Variants in ZNF365 observed in about 807,000 individuals in gnomAD.
The protein encoded by ZNF365 is protein ZNF365.
ZNF365 carries 22 observed loss-of-function variants against 35.0 expected under a neutral mutation model. That is an observed-to-expected ratio of 0.63 (90% CI 0.45 to 0.90). The LOEUF is 0.90. ZNF365 is among the 40% of genes least tolerant of loss of function. ZNF365 has a pLI of 0.00. For missense variants in ZNF365, 448 were observed against 500.3 expected (o/e 0.90, Z 1.00); for synonymous variants, 188 against 196.2 (o/e 0.96, Z 0.35).
At chr10:62,419,652 T>C (rs570208796) in intron 3 of ZNF365, among the ~76,000 whole-genome samples, 2 of 152,176 alleles carry the variant, frequency 1.3e-5, no homozygotes, top group Non-Finnish European at 2.9e-5. Flanking sequence ...AGTTAATTTA[T>C]AGCTATTTGC....
chr10:62,422,860 C>T (rs10995153), intron 3 of ZNF365, among the ~76,000 whole-genome samples: 3,745 of 152,168 alleles, frequency 0.025, 65 homozygotes, highest in Non-Finnish European at 0.037. Context: ...ATCTTGAAGA[C>T]GAAACTAAGT....
chr10:62,462,915 G>A (rs779829248), intron 4 of ZNF365, among the ~76,000 whole-genome samples: 20 of 152,204 alleles, frequency 1.3e-4, no homozygotes, highest in Non-Finnish European at 2.6e-4. Context: ...GCTTGGGATG[G>A]ATATGTCCCA....
intron 4 of ZNF365, among the ~76,000 whole-genome samples, chr10:62,472,306 C>T (rs1224513658): frequency 1.3e-5 from 2 of 152,208 alleles, no homozygotes; most frequent in African/African-American, 2.4e-5. Context: ...CTCCAGAAAG[C>T]GTTCCAATAT....
downstream of ZNF365, among the ~76,000 whole-genome samples, chr10:62,407,368 T>C (rs1244279006): frequency 6.6e-6 from 1 of 152,184 alleles, no homozygotes; most frequent in Non-Finnish European, 1.5e-5. Context: ...AAGCTTTTCC[T>C]TTGAGATATT....
intron 3 of ZNF365, among the ~76,000 whole-genome samples, chr10:62,441,862 G>C (rs1840506984): frequency 6.6e-6 from 1 of 152,156 alleles, no homozygotes; most frequent in Non-Finnish European, 1.5e-5. Flanking sequence ...ATTTAGTAAG[G>C]CCACATAACA....
At chr10:62,391,167 A>G (rs1839621748) in intron 3 of ZNF365, among the ~76,000 whole-genome samples, 1 of 152,236 alleles carries the variant, frequency 6.6e-6, no homozygotes, top group East Asian at 1.9e-4. Flanking sequence ...TTGTAATAAC[A>G]GCTTAAAACA....
intron 3 of ZNF365, among the ~76,000 whole-genome samples, chr10:62,389,200 T>C (rs903229644): frequency 2.1e-4 from 30 of 143,126 alleles, no homozygotes; most frequent in African/African-American, 7.9e-4. Flanking sequence ...CAGGTTCTCA[T>C]AGGGGGCTTG....
At chr10:62,468,045 A>T (rs1435364249) in intron 4 of ZNF365, among the ~76,000 whole-genome samples, 1 of 152,176 alleles carries the variant, frequency 6.6e-6, no homozygotes, top group Non-Finnish European at 1.5e-5. Flanking sequence ...CTGGGCCAAA[A>T]ATTGCACATT....
At chr10:62,456,396 G>C (rs764773943) in intron 3 of ZNF365, among the ~76,000 whole-genome samples, 1 of 151,980 alleles carries the variant, frequency 6.6e-6, no homozygotes, top group Non-Finnish European at 1.5e-5. Flanking sequence ...TGTCCATGCC[G>C]TGTAAGATGA....
chr10:62,424,742 A>C (rs1054697724), intron 3 of ZNF365, among the ~76,000 whole-genome samples: 9 of 152,218 alleles, frequency 5.9e-5, no homozygotes, highest in African/African-American at 2.2e-4. Flanking sequence ...TTATGAGACA[A>C]ATGTTCCATG....
At chr10:62,412,162 A>C (rs2393877) in intron 3 of ZNF365, among the ~76,000 whole-genome samples, 2 of 151,762 alleles carry the variant, frequency 1.3e-5, no homozygotes, top group Admixed American at 1.3e-4. Flanking sequence ...AATTCATTAC[A>C]TAGGCAGAAC....
At chr10:62,417,332 T>C (rs769822245) in intron 3 of ZNF365, among the ~76,000 whole-genome samples, 3 of 152,118 alleles carry the variant, frequency 2.0e-5, no homozygotes, top group Non-Finnish European at 4.4e-5. Context: ...AAAATACTGG[T>C]AATGATCCCA....
intron 3 of ZNF365, among the ~76,000 whole-genome samples, chr10:62,418,597 A>C (rs1484076220): frequency 1.0e-5 from 1 of 99,496 alleles, no homozygotes; most frequent in Non-Finnish European, 2.4e-5. Context: ...GTTTATAATA[A>C]ATTTTCGTAA....
chr10:62,399,844 G>A lies in ZNF365; in HGVS notation c.*55G>A. ...CTGGGCTTTGGGGAACGTTGTTCCA[G>A]GAGCCAACAGTAATGTCTTTCTGGA... On this transcript the variant is annotated 3_prime_UTR_variant, in exon 5 of 5. Transcript: ENST00000395254. 6.5e-7 allele frequency: 1 copy of A among 1,542,582 alleles called. No individual in the cohort carries two copies. The highest frequency in any genetic ancestry group is 8.7e-7 in the Non-Finnish European group (1 of 1,143,056).
chr10:62,432,526 A>C (rs1840349671), intron 3 of ZNF365, among the ~76,000 whole-genome samples: 1 of 152,106 alleles, frequency 6.6e-6, no homozygotes, highest in Non-Finnish European at 1.5e-5. Flanking sequence ...GTATTTACAA[A>C]CCTAGCACAG....
chr10:62,401,613 A>C lies in ZNF365; in HGVS notation c.*1824A>C, dbSNP rs1431606051. On this transcript the variant is annotated 3_prime_UTR_variant, in exon 5 of 5. Coordinates refer to ENST00000395254, the MANE Select transcript of ZNF365 (RefSeq NM_014951.3). Reference sequence around the variant, plus strand: ...GTTATAATTATTATTTATTTGGAGAATTAACTTCCCCCTCTAAAGTTATTT... The same window carrying C: ...GTTATAATTATTATTTATTTGGAGACTTAACTTCCCCCTCTAAAGTTATTT... 1 of 984,092 alleles carries C rather than the reference A, an allele frequency of 1.0e-6. No individual in the cohort carries two copies. The highest frequency in any genetic ancestry group is 1.2e-6 in the Non-Finnish European group (1 of 828,732). The allele number at this position is 984,092 out of a possible 1,614,324, so 61.0% of individuals were successfully genotyped here.
intron 1 of ZNF365, chr10:62,375,719 T>C (rs1839311854): frequency 6.1e-6 from 1 of 162,648 alleles, no homozygotes; most frequent in Non-Finnish European, 1.4e-5. Flanking sequence ...GCATTTAGTG[T>C]GCCAAATTCA....
intron 2 of ZNF365, among the ~76,000 whole-genome samples, chr10:62,383,345 A>AGGCCATGTCATGTACAT (rs1405099132): frequency 1.3e-5 from 2 of 152,190 alleles, no homozygotes; most frequent in African/African-American, 2.4e-5. Flanking sequence ...AAAACACAGT[A>AGGCCATGTCATGTACAT]GGCCATGTCA....
At chr10:62,410,012 A>G (rs2132438559) in intron 3 of ZNF365, among the ~76,000 whole-genome samples, 1 of 152,296 alleles carries the variant, frequency 6.6e-6, no homozygotes, top group East Asian at 1.9e-4. Flanking sequence ...TTAGGATCAC[A>G]GGATCTCAAC....
Sources: gnomAD v4.1 joint callset for allele counts (sites outside exome capture counted in the v4.1 genomes callset) on GRCh38, gnomAD v4.1.1 for gene constraint, MANE v1.5 for transcripts, NCBI Gene and HGNC (gene_info 2026-07-23, HGNC 2026-07-21) for gene names.